Variants in SAA2 observed in about 807,000 individuals in gnomAD.
The protein encoded by SAA2 is serum amyloid A-2 protein.
SAA2 carries 5 observed loss-of-function variants against 9.1 expected under a neutral mutation model. The ratio of observed to expected loss-of-function variants is 0.55; its 90% CI spans 0.29 to 1.16. The LOEUF (loss-of-function observed/expected upper bound fraction) is 1.16, where lower values mean the gene tolerates loss of function less well. SAA2 is among the 50% of genes most tolerant of loss of function. The pLI is 0.09. For synonymous variants in SAA2, 49 were observed against 59.8 expected (o/e 0.82, Z 0.83); for missense variants, 94 against 153.8 (o/e 0.61, Z 2.06).
At chr11:18,241,306 C>G (rs191417258), downstream of SAA2, among the ~76,000 whole-genome samples, 16 of 152,276 alleles carry the variant, frequency 1.1e-4, no homozygotes, top group Non-Finnish European at 4.4e-5. Context: ...TTAGTACAGC[C>G]TCTGTGGAAA....
At chr11:18,242,696 A>G (rs1032114133), downstream of SAA2, 57 of 672,548 alleles carry the variant, frequency 8.5e-5, no homozygotes, top group Admixed American at 1.2e-3. Context: ...AAATATAAAA[A>G]TTAGGCAAGT....
At chr11:18,244,493 T>C (rs1473522659), downstream of SAA2, among the ~76,000 whole-genome samples, 1 of 152,204 alleles carries the variant, frequency 6.6e-6, no homozygotes. Flanking sequence ...AGGGGCCCAA[T>C]CTCAAATTTA....
chr11:18,239,354 C>T (rs1857278490), exon 4 of SAA2: 1 of 194,544 alleles, frequency 5.1e-6, no homozygotes, highest in Non-Finnish European at 1.0e-5. Context: ...GTATTAATTG[C>T]CCTCATTACT....
At chr11:18,240,582 T>C (rs1430781463), downstream of SAA2, among the ~76,000 whole-genome samples, 3 of 152,124 alleles carry the variant, frequency 2.0e-5, no homozygotes, top group African/African-American at 7.2e-5. Context: ...CCCATACATA[T>C]AACCAACTGA....
Position 18,246,160 on chromosome 11 carries a change from C to T in SAA2, c.92-112G>A, listed in dbSNP as rs1425069334. 9 of 1,476,826 alleles carry T rather than the reference C, an allele frequency of 6.1e-6. No homozygotes were observed. The Admixed American group carries it at 1.9e-4, about 32-fold the overall frequency. 91.5% of individuals were successfully genotyped at this position (1,476,826 alleles called of 1,614,324 possible). ...TCTTCCACTGACTTCAAGCTTTCAG[C>T]CTGTGATCATAGCAGCCTTGGATAC... On this transcript the variant is annotated intron_variant, in intron 2 of 3. Transcript: ENST00000256733.
At chr11:18,242,692 A>C (rs1173807232), downstream of SAA2, 1 of 669,978 alleles carries the variant, frequency 1.5e-6, no homozygotes. Context: ...CAAAAAATAT[A>C]AAAATTAGGC....
At chr11:18,239,138 T>A (rs1243830997), downstream of SAA2, 2 of 152,250 alleles carry the variant, frequency 1.3e-5, no homozygotes, top group African/African-American at 4.8e-5. Flanking sequence ...TTCAACATGA[T>A]GTTATTTTAG....
At position 18,248,006 on chromosome 11, in the gene SAA2, C is replaced by T. The variant is rs745637682; in HGVS notation, c.6G>A (p.Lys2=). 4.3e-6 allele frequency: 7 copies of T among 1,613,120 alleles called. No individual in the cohort carries two copies. The highest frequency in any genetic ancestry group is 2.2e-5 in the South Asian group (2 of 90,934). Residue 2 remains lysine, a synonymous_variant, in exon 2 of 4, where the codon AAG becomes AAA. Coordinates refer to ENST00000256733, the MANE Select transcript of SAA2 (RefSeq NM_030754.5). M[K]LLTGLVFCSL... ...AGCAGAAAACCAGGCCCGTGAGAAG[C>T]TTCATGGTGCTGAAATGAAAGGAGA...
downstream of SAA2, chr11:18,240,383 G>A (rs1695831520): frequency 3.1e-5 from 21 of 683,858 alleles, no homozygotes; most frequent in South Asian, 3.3e-4. Flanking sequence ...GCAGAGAATA[G>A]CCTCTTCCAG....
chr11:18,242,693 A>T (rs1430435217), downstream of SAA2: 8 of 669,938 alleles, frequency 1.2e-5, no homozygotes, highest in South Asian at 1.2e-4. Context: ...AAAAAATATA[A>T]AAATTAGGCA....
chr11:18,243,035 C>G (rs1327765863), downstream of SAA2, among the ~76,000 whole-genome samples: 1 of 152,102 alleles, frequency 6.6e-6, no homozygotes, highest in Non-Finnish European at 1.5e-5. Context: ...CCTGGGTAAA[C>G]CAAGCACCTT....
At chr11:18,246,642 C>G (rs763653931) in intron 2 of SAA2, among the ~76,000 whole-genome samples, 84 of 151,460 alleles carry the variant, frequency 5.5e-4, no homozygotes, top group South Asian at 1.5e-3. Context: ...AGTGATTTTC[C>G]TGCTTCAGCC....
At chr11:18,245,553 G>C (rs1161036996) in intron 3 of SAA2, 38 bp from the exon 4 acceptor site, 1 of 1,610,914 alleles carries the variant, frequency 6.2e-7, no homozygotes, top group Non-Finnish European at 8.5e-7. Flanking sequence ...TTAATCATCA[G>C]GCCAGTGAGC....
At chr11:18,240,280 C>G (rs974211110), downstream of SAA2, 32 of 702,420 alleles carry the variant, frequency 4.6e-5, no homozygotes, top group Middle Eastern at 9.1e-4. Flanking sequence ...ATTCCTCAGT[C>G]ATCTTCTCTG....
At chr11:18,245,868 G>A in intron 3 of SAA2, 42 bp downstream of exon 3, 1 of 1,612,940 alleles carries the variant, frequency 6.2e-7, no homozygotes. Context: ...AGGCAGGCAA[G>A]CTCTGCTCAC....
chr11:18,241,855 A>C (rs1165045374), downstream of SAA2, among the ~76,000 whole-genome samples: 5 of 152,172 alleles, frequency 3.3e-5, no homozygotes, highest in Non-Finnish European at 7.3e-5. Flanking sequence ...ACCATTATGC[A>C]ATCTATCAGT....
intron 2 of SAA2, among the ~76,000 whole-genome samples, chr11:18,247,083 T>C (rs1185095693): frequency 1.3e-5 from 2 of 152,294 alleles, no homozygotes; most frequent in Non-Finnish European, 2.9e-5. Flanking sequence ...CCCTGGGCAT[T>C]GGCCTCAGCT....
rs1315051965 is a variant in SAA2, at chr11:18,245,338, T to C, written c.*39A>G. 1 of 1,612,686 alleles carries C rather than the reference T, an allele frequency of 6.2e-7. No individual in the cohort carries two copies. Among genetic ancestry groups the C allele is most frequent in the Non-Finnish European group, 8.5e-7 (1 of 1,179,270 alleles). On this transcript the variant is annotated 3_prime_UTR_variant, in exon 4 of 4. Coordinates refer to ENST00000256733, the MANE Select transcript of SAA2 (RefSeq NM_030754.5). ...ACTTTGTATCCCTGCCCCGAGGGCCTCATAGCCAGGTCTCCTGAGAGCAGA... is the reference window on the plus strand; with the variant it reads ...ACTTTGTATCCCTGCCCCGAGGGCCCCATAGCCAGGTCTCCTGAGAGCAGA...
rs1244936141 is a variant in SAA2, at chr11:18,240,096, TAGGGG to T, written c.231-132_231-128del. ...ACCGGTGATTATATACTATTCTTCATAGGGGAGGAGAAGATGGGGAATGTACACAA... is the reference window on the plus strand; with the variant it reads ...ACCGGTGATTATATACTATTCTTCATAGGAGAAGATGGGGAATGTACACAA... On this transcript the variant is annotated intron_variant, in intron 3 of 3. Coordinates refer to the SAA2 transcript ENST00000414546. 3.8e-6 allele frequency: 5 copies of T among 1,324,798 alleles called. No individual in the cohort carries two copies. In the Admixed American group the frequency reaches 1.1e-4, roughly 28 times the overall value. 82.1% of individuals were successfully genotyped at this position (1,324,798 alleles called of 1,614,324 possible).
Sources: allele counts gnomAD v4.1 joint callset (sites outside exome capture counted in the v4.1 genomes callset), GRCh38; gene constraint gnomAD v4.1.1; transcripts MANE v1.5; gene names NCBI Gene and HGNC (gene_info 2026-07-23, HGNC 2026-07-21).